LRRC4C: variants seen among roughly 807,000 people sequenced by gnomAD.
LRRC4C encodes the protein leucine-rich repeat-containing protein 4C.
Under a neutral mutation model 33.6 loss-of-function variants are expected in LRRC4C, and 5 were observed. The ratio of observed to expected loss-of-function variants is 0.15; its 90% CI spans 0.08 to 0.31. The LOEUF (loss-of-function observed/expected upper bound fraction) is 0.31, where lower values mean the gene tolerates loss of function less well. Ranked by LOEUF, LRRC4C falls within the 10% of genes least tolerant of loss-of-function variation. The pLI is 1.00. For missense variants in LRRC4C, 560 were observed against 796.7 expected, an observed-to-expected ratio of 0.70 and a Z score of 3.58; for synonymous variants, 329 against 302.0, an observed-to-expected ratio of 1.09 and a Z score of -0.93.
chr11:41,330,961 C>T (rs1032304361), intron 1 of LRRC4C, among the ~76,000 whole-genome samples: 5 of 152,108 alleles, frequency 3.3e-5, no homozygotes, highest in African/African-American at 7.2e-5. Context: ...CCTATGGCTC[C>T]GTCTGGTATT....
At chr11:41,102,072 C>T (rs1000236777) in intron 1 of LRRC4C, among the ~76,000 whole-genome samples, 1 of 151,960 alleles carries the variant, frequency 6.6e-6, no homozygotes, top group African/African-American at 2.4e-5. Flanking sequence ...ATCTGTACAA[C>T]AAACCCCCGT....
intron 3 of LRRC4C, among the ~76,000 whole-genome samples, chr11:40,604,472 A>C (rs1367341032): frequency 6.6e-6 from 1 of 152,152 alleles, no homozygotes; most frequent in African/African-American, 2.4e-5. Flanking sequence ...ATATGAGGTG[A>C]GAAAATTCCT....
intron 1 of LRRC4C, among the ~76,000 whole-genome samples, chr11:41,411,395 A>G (rs1432311564): frequency 6.7e-6 from 1 of 150,010 alleles, no homozygotes; most frequent in African/African-American, 2.5e-5. Flanking sequence ...TGATCCGCCC[A>G]CCTCCGCCTC....
At chr11:41,400,779 G>A (rs1237097290) in intron 1 of LRRC4C, among the ~76,000 whole-genome samples, 1 of 151,800 alleles carries the variant, frequency 6.6e-6, no homozygotes, top group Non-Finnish European at 1.5e-5. Flanking sequence ...CAGTCTTCTT[G>A]TTTATAAAAC....
chr11:40,665,547 A>G (rs1199875871), intron 2 of LRRC4C, among the ~76,000 whole-genome samples: 1 of 150,988 alleles, frequency 6.6e-6, no homozygotes, highest in Non-Finnish European at 1.5e-5. Context: ...GAATCACAAC[A>G]CCTCTCATCA....
rs549113877 is a variant in LRRC4C, at chr11:40,483,603, A to G, written c.-269-163882T>C. On this transcript the variant is annotated intron_variant, in intron 3 of 6. Transcript: ENST00000528697. Reference sequence around the variant, plus strand: ...ATAGTTGGTGACTGATTGCAGGAAAAAAATGGAAGAAGACAAAATTATCTA... The same window carrying G: ...ATAGTTGGTGACTGATTGCAGGAAAGAAATGGAAGAAGACAAAATTATCTA... Among the ~76,000 whole-genome samples the G allele has an allele frequency of 1.1e-4, 16 of 152,256 alleles. No homozygotes were observed. The South Asian group carries it at 2.7e-3, about 26-fold the overall frequency.
chr11:40,872,947 T>C (rs1160602295), intron 2 of LRRC4C, among the ~76,000 whole-genome samples: 1 of 152,192 alleles, frequency 6.6e-6, no homozygotes, highest in Non-Finnish European at 1.5e-5. Flanking sequence ...CAAAAATTTA[T>C]CATCAGGTCT....
intron 1 of LRRC4C, among the ~76,000 whole-genome samples, chr11:41,249,829 T>G (rs1948581669): frequency 1.3e-5 from 2 of 152,184 alleles, no homozygotes; most frequent in African/African-American, 2.4e-5. Flanking sequence ...TATTACCACC[T>G]GACATATTTT....
intron 3 of LRRC4C, among the ~76,000 whole-genome samples, chr11:40,643,253 C>G (rs528865748): frequency 6.6e-6 from 1 of 152,228 alleles, no homozygotes; most frequent in Admixed American, 6.5e-5. Flanking sequence ...TTTAATAAGA[C>G]AGAAAAATTT....
At chr11:40,527,654 CT>C in intron 3 of LRRC4C, among the ~76,000 whole-genome samples, 1 of 152,170 alleles carries the variant, frequency 6.6e-6, no homozygotes, top group South Asian at 2.1e-4. Context: ...ATGAATTTGT[CT>C]TTGGAAAAGC....
At chr11:41,023,326 C>T (rs902583686) in intron 1 of LRRC4C, among the ~76,000 whole-genome samples, 1 of 151,720 alleles carries the variant, frequency 6.6e-6, no homozygotes, top group Non-Finnish European at 1.5e-5. Flanking sequence ...AGGAGTCTCA[C>T]TGCAAACAAA....
At chr11:40,733,534 G>A (rs543580220) in intron 2 of LRRC4C, among the ~76,000 whole-genome samples, 5 of 152,286 alleles carry the variant, frequency 3.3e-5, no homozygotes, top group African/African-American at 1.2e-4. Context: ...CCAAAGAGAT[G>A]TTTGGGTTTA....
intron 2 of LRRC4C, among the ~76,000 whole-genome samples, chr11:40,888,629 C>T (rs1422981486): frequency 6.6e-6 from 1 of 151,888 alleles, no homozygotes. Flanking sequence ...TTGGAAGGAA[C>T]TTTTTTATTT....
chr11:40,782,268 G>C (rs1950239090), intron 2 of LRRC4C, among the ~76,000 whole-genome samples: 1 of 152,088 alleles, frequency 6.6e-6, no homozygotes, highest in African/African-American at 2.4e-5. Context: ...TCTTAAGACA[G>C]AATCAGTGGA....
chr11:41,447,710 C>A (rs1955868397), intron 1 of LRRC4C, among the ~76,000 whole-genome samples: 1 of 152,132 alleles, frequency 6.6e-6, no homozygotes. Context: ...AAATATAGCA[C>A]CACAATCTAC....
At chr11:40,526,414 T>C (rs1014511136) in intron 3 of LRRC4C, among the ~76,000 whole-genome samples, 97 of 152,166 alleles carry the variant, frequency 6.4e-4, no homozygotes, top group African/African-American at 2.3e-3. Context: ...ATAAAATGAA[T>C]AAAATACTTG....
chr11:40,884,297 T>C (rs907826467), intron 2 of LRRC4C, among the ~76,000 whole-genome samples: 2 of 152,174 alleles, frequency 1.3e-5, no homozygotes, highest in South Asian at 4.1e-4. Flanking sequence ...CTACATTTTC[T>C]TTATCCAGTC....
At chr11:41,444,667 A>G (rs1955762927) in intron 1 of LRRC4C, among the ~76,000 whole-genome samples, 1 of 152,188 alleles carries the variant, frequency 6.6e-6, no homozygotes. Context: ...TTATGCAAAA[A>G]GTCATTGGCT....
At chr11:40,345,278 A>C (rs1565295949) in intron 3 of LRRC4C, among the ~76,000 whole-genome samples, 2 of 152,220 alleles carry the variant, frequency 1.3e-5, no homozygotes, top group Non-Finnish European at 2.9e-5. Context: ...TGGAGGCATC[A>C]CATTACCTGT....
Sources: allele counts gnomAD v4.1 joint callset (sites outside exome capture counted in the v4.1 genomes callset), GRCh38; gene constraint gnomAD v4.1.1; transcripts MANE v1.5; gene names NCBI Gene and HGNC (gene_info 2026-07-23, HGNC 2026-07-21).